The following CNNM1 variants were observed in gnomAD, a reference collection of about 807,000 sequenced individuals.
CNNM1 encodes metal transporter CNNM1.
CNNM1 carries 44 observed loss-of-function variants against 78.8 expected under a neutral mutation model. That is an observed-to-expected ratio of 0.56 (90% confidence interval 0.44 to 0.72). The LOEUF is 0.72. Among genes scored for constraint, CNNM1 ranks in the 30% least tolerant of loss-of-function variants. The pLI is 0.00. For missense variants in CNNM1, 1,101 were observed against 1,292.2 expected (o/e 0.85, Z 2.27); for synonymous variants, 584 against 581.5 (o/e 1.00, Z -0.06).
intron 1 of CNNM1, among the ~76,000 whole-genome samples, chr10:99,344,354 TG>T (rs1276873003): frequency 2.3e-5 from 1 of 43,652 alleles, no homozygotes; most frequent in Non-Finnish European, 4.6e-5. Flanking sequence ...TAGGTGGGGG[TG>T]GGGGGGAATA....
intron 6 of CNNM1, among the ~76,000 whole-genome samples, chr10:99,369,280 A>G (rs1172923543): frequency 6.6e-6 from 1 of 152,190 alleles, no homozygotes; most frequent in Non-Finnish European, 1.5e-5. Context: ...GAATGCCACA[A>G]ATCTGAATGA....
At chr10:99,356,537 A>AC (rs1354507361) in intron 1 of CNNM1, among the ~76,000 whole-genome samples, 1 of 122,400 alleles carries the variant, frequency 8.2e-6, no homozygotes, top group Admixed American at 8.1e-5. Context: ...AGAAAGAAAG[A>AC]AAGACAGACA....
At position 99,330,593 on chromosome 10, in the gene CNNM1, G is replaced by T. The variant is rs1378740791; in HGVS notation, c.1206G>T (p.Arg402=). The T allele has an allele frequency of 6.2e-7, 1 of 1,612,602 alleles. No homozygotes were observed. The highest frequency in any genetic ancestry group is 1.1e-5 in the South Asian group (1 of 90,830). ...YTREKLLETL[R]AADPYSDLVK... ...GGGAGAAGTTGCTGGAGACGTTGCGGGCCGCAGACCCCTACAGTGACCTGG... is the reference window on the plus strand; with the variant it reads ...GGGAGAAGTTGCTGGAGACGTTGCGTGCCGCAGACCCCTACAGTGACCTGG... Residue 402 remains arginine, a synonymous_variant, in exon 1 of 11, where the codon CGG becomes CGT. Coordinates refer to ENST00000356713, the MANE Select transcript of CNNM1 (RefSeq NM_020348.3).
rs537907747 is a variant in CNNM1, at chr10:99,362,273, C to G, written c.1905C>G (p.Leu635=). 3.6e-5 allele frequency: 58 copies of G among 1,613,764 alleles called. No homozygotes were observed. The highest frequency in any genetic ancestry group is 4.8e-5 in the Non-Finnish European group (57 of 1,179,838). ...TGTACCTTTCGGAGAAGATCCTGCTCCGGCTCCTGAAACATCCCAACGTGA... is the reference window on the plus strand; with the variant it reads ...TGTACCTTTCGGAGAAGATCCTGCTGCGGCTCCTGAAACATCCCAACGTGA... The part of the protein sequence containing the change: ...KSLYLSEKIL[L]RLLKHPNVIQ... The change falls in exon 4 of 11, where the codon CTC becomes CTG. Residue 635 remains leucine, a synonymous_variant. Transcript: ENST00000356713.
At chr10:99,357,234 A>G (rs1334978980) in intron 1 of CNNM1, among the ~76,000 whole-genome samples, 1 of 152,208 alleles carries the variant, frequency 6.6e-6, no homozygotes, top group Non-Finnish European at 1.5e-5. Flanking sequence ...GCTAACATAT[A>G]CTTGCTAATA....
chr10:99,392,081 G>C lies in CNNM1; in HGVS notation c.*565G>C, dbSNP rs1372387116. On this transcript the variant is annotated 3_prime_UTR_variant, in exon 11 of 11. Coordinates refer to ENST00000356713, the MANE Select transcript of CNNM1 (RefSeq NM_020348.3). ...AAGTGGGACTCAGCCATGTTGGCGC[G>C]TGATTGACATTACAGCACAGAAAAC... The C allele has an allele frequency of 6.5e-6, 1 of 153,170 alleles. No homozygotes were observed. Among genetic ancestry groups the C allele is most frequent in the Non-Finnish European group, 1.5e-5 (1 of 68,756 alleles). 9.5% of individuals were successfully genotyped at this position (153,170 alleles called of 1,614,324 possible).
chr10:99,330,886 G>T lies in CNNM1; in HGVS notation c.1499G>T (p.Arg500Leu). The T allele has an allele frequency of 5.0e-6, 8 of 1,614,092 alleles. No individual in the cohort carries two copies. The highest frequency in any genetic ancestry group is 6.8e-6 in the Non-Finnish European group (8 of 1,180,024). ...TGCACCCCGCTCCTCACTGTCACCC[G>T]CTTCTACAACCGGCCCCTGCATTGT... ...DDCTPLLTVT[R>L]FYNRPLHCVF... Residue 500 changes from arginine (R) to leucine (L), a missense_variant, in exon 1 of 11, where the codon CGC becomes CTC. Arg to Leu is a moderately radical substitution (Grantham distance 102, BLOSUM62 -2). Around this residue, in one of 3 missense-constraint regions of CNNM1, gnomAD observed 277 missense variants for 423.2 expected, o/e 0.65. Transcript: ENST00000356713.
chr10:99,367,033 T>A (rs892652561), intron 6 of CNNM1, among the ~76,000 whole-genome samples: 13 of 152,014 alleles, frequency 8.6e-5, no homozygotes, highest in African/African-American at 3.1e-4. Context: ...GCCAATGGGG[T>A]AAAAAGACAT....
chr10:99,337,029 G>A (rs2030219412), intron 1 of CNNM1, among the ~76,000 whole-genome samples: 1 of 152,076 alleles, frequency 6.6e-6, no homozygotes, highest in Non-Finnish European at 1.5e-5. Context: ...TTCATTAGCT[G>A]TAAAATGAAA....
At chr10:99,371,275 T>C (rs1404698303) in intron 6 of CNNM1, among the ~76,000 whole-genome samples, 2 of 152,210 alleles carry the variant, frequency 1.3e-5, no homozygotes, top group African/African-American at 4.8e-5. Context: ...GTTCACAGAT[T>C]ACCTCCAGGT....
Position 99,356,538 on chromosome 10 carries a change from A to C in CNNM1, c.1574-974A>C, listed in dbSNP as rs10883336. Among the ~76,000 whole-genome samples the C allele has an allele frequency of 9.9e-3, 866 of 87,588 alleles. 3 individuals carry two copies. Among genetic ancestry groups the C allele is most frequent in the South Asian group, 0.03 (61 of 2,046 alleles). 57.5% of individuals were successfully genotyped at this position (87,588 alleles called of 152,430 possible). On this transcript the variant is annotated intron_variant, in intron 1 of 10. Coordinates refer to ENST00000356713, the MANE Select transcript of CNNM1 (RefSeq NM_020348.3). ...AGAGAAAGAGAGAAAGAAAGAAAGA[A>C]AGACAGACAGACAGACAGACAGACA...
chr10:99,340,135 T>A (rs1284071900), intron 1 of CNNM1, among the ~76,000 whole-genome samples: 1 of 152,216 alleles, frequency 6.6e-6, no homozygotes, highest in East Asian at 1.9e-4. Flanking sequence ...AAAGTGAGAA[T>A]AATATTCAAG....
Position 99,340,695 on chromosome 10 carries a change from T to TTTTC in CNNM1, c.1573+9745_1573+9748dup, listed in dbSNP as rs1014473520. On this transcript the variant is annotated intron_variant, in intron 1 of 10. Transcript: ENST00000356713. ...TTCAAAATGGGATTCTCCTCAATTCTTTTCTTTCTTTCTCTCTCTTCCCTC... is the reference window on the plus strand; with the variant it reads ...TTCAAAATGGGATTCTCCTCAATTCTTTTCTTTCTTTCTTTCTCTCTCTTCCCTC... Among the ~76,000 whole-genome samples the TTTTC allele has an allele frequency of 1.2e-4, 18 of 152,200 alleles. 1 individual carries two copies. Among genetic ancestry groups the TTTTC allele is most frequent in the Middle Eastern group, 6.8e-3 (2 of 294 alleles).
chr10:99,343,109 CCTGCCACCA>C (rs997408542), intron 1 of CNNM1, among the ~76,000 whole-genome samples: 9 of 151,964 alleles, frequency 5.9e-5, no homozygotes, highest in African/African-American at 2.2e-4. Flanking sequence ...ATTACAGGCG[CCTGCCACCA>C]CTCCCAGCTG....
chr10:99,367,512 C>T (rs571264475), intron 6 of CNNM1, among the ~76,000 whole-genome samples: 1 of 152,186 alleles, frequency 6.6e-6, no homozygotes, highest in African/African-American at 2.4e-5. Context: ...GAACAGGTCT[C>T]CTGTCTGTTT....
At chr10:99,370,763 G>A (rs1022593862) in intron 6 of CNNM1, among the ~76,000 whole-genome samples, 2 of 152,090 alleles carry the variant, frequency 1.3e-5, no homozygotes, top group Admixed American at 6.6e-5. Context: ...TGTGCTAAGT[G>A]GAAATATTGA....
intron 1 of CNNM1, among the ~76,000 whole-genome samples, chr10:99,350,855 A>T (rs1056139747): frequency 6.6e-6 from 1 of 150,652 alleles, no homozygotes; most frequent in Non-Finnish European, 1.5e-5. Context: ...GTTTGGGGCC[A>T]GGTAATTCTT....
chr10:99,388,038 G>T (rs764340004), intron 8 of CNNM1, 35 bp downstream of exon 8: 1 of 1,577,934 alleles, frequency 6.3e-7, no homozygotes, highest in Non-Finnish European at 8.6e-7. Flanking sequence ...GGCTGGGCTG[G>T]TGTGGGGTGA....
intron 1 of CNNM1, among the ~76,000 whole-genome samples, chr10:99,349,742 C>G (rs567620619): frequency 6.6e-6 from 1 of 152,072 alleles, no homozygotes. Flanking sequence ...GGCTCACGCC[C>G]GTAATCCCAG....
Sources: gnomAD v4.1 joint callset for allele counts (sites outside exome capture counted in the v4.1 genomes callset) on GRCh38, gnomAD v4.1.1 for gene constraint, gnomAD v4.1.1 regional missense constraint, MANE v1.5 for transcripts, NCBI Gene and HGNC (gene_info 2026-07-23, HGNC 2026-07-21) for gene names.